NTM: variants seen among roughly 807,000 people sequenced by gnomAD.
NTM encodes the protein IgLON family member 2.
Under a neutral mutation model 42.1 loss-of-function variants are expected in NTM, and 13 were observed. The observed-to-expected ratio is 0.31, with a 90% CI of 0.20 to 0.49. The LOEUF (loss-of-function observed/expected upper bound fraction) is 0.49. Ranked by LOEUF, NTM falls within the 20% of genes least tolerant of loss-of-function variation. The pLI, the probability that NTM is intolerant of heterozygous loss-of-function variation, is 0.99. For synonymous variants in NTM, 187 were observed against 179.2 expected (o/e 1.04, Z -0.35); for missense variants, 373 against 452.8 (o/e 0.82, Z 1.60).
At chr11:131,424,806 T>A (rs1391206721) in intron 1 of NTM, among the ~76,000 whole-genome samples, 1 of 149,088 alleles carries the variant, frequency 6.7e-6, no homozygotes, top group Non-Finnish European at 1.5e-5. Flanking sequence ...TCTGACCTCG[T>A]GATCTGCCTG....
intron 1 of NTM, among the ~76,000 whole-genome samples, chr11:131,871,863 C>T (rs934806083): frequency 6.6e-6 from 1 of 152,148 alleles, no homozygotes; most frequent in Non-Finnish European, 1.5e-5. Flanking sequence ...GTCTTCTCTT[C>T]CTTGTTTCCC....
chr11:131,667,183 A>G (rs2134571238), intron 1 of NTM, among the ~76,000 whole-genome samples: 1 of 152,188 alleles, frequency 6.6e-6, no homozygotes, highest in South Asian at 2.1e-4. Context: ...CTTAAAGAGG[A>G]GGACCCCAAT....
intron 3 of NTM, among the ~76,000 whole-genome samples, chr11:132,177,077 C>G (rs527996800): frequency 2.5e-4 from 38 of 152,158 alleles, no homozygotes; most frequent in African/African-American, 8.2e-4. Flanking sequence ...TCAAACTTCT[C>G]CTTGACACAT....
intron 1 of NTM, among the ~76,000 whole-genome samples, chr11:131,471,571 A>T (rs530883411): frequency 2.0e-5 from 3 of 152,360 alleles, no homozygotes; most frequent in Admixed American, 2.0e-4. Context: ...AATTAGTCTT[A>T]TATTTATATT....
chr11:132,121,734 C>G (rs868207910), intron 2 of NTM, among the ~76,000 whole-genome samples: 12 of 152,196 alleles, frequency 7.9e-5, no homozygotes, highest in East Asian at 3.9e-4. Flanking sequence ...GTTCCTCCCC[C>G]CTCTCTCGAA....
At chr11:131,469,511 C>T (rs532748386) in intron 1 of NTM, among the ~76,000 whole-genome samples, 14 of 152,290 alleles carry the variant, frequency 9.2e-5, no homozygotes, top group Middle Eastern at 3.4e-3. Context: ...CACAGATAGA[C>T]AGATAACTGA....
intron 4 of NTM, among the ~76,000 whole-genome samples, chr11:132,260,345 G>T (rs2092772838): frequency 6.6e-6 from 1 of 152,036 alleles, no homozygotes; most frequent in African/African-American, 2.4e-5. Context: ...CAAAAGTAAG[G>T]TTTCCAGACA....
At chr11:131,890,156 G>GTA (rs1555167713) in intron 1 of NTM, among the ~76,000 whole-genome samples, 1 of 54,952 alleles carries the variant, frequency 1.8e-5, no homozygotes, top group African/African-American at 6.9e-5. Context: ...CTCTCTCTCT[G>GTA]TCTCTCTCTC....
intron 2 of NTM, among the ~76,000 whole-genome samples, chr11:131,916,582 G>C (rs564406): frequency 0.79 from 119,384 of 152,060 alleles, 47,136 homozygotes; most frequent in East Asian, 1. Context: ...TTGAGAGGAC[G>C]CGGGAGTCAC....
intron 1 of NTM, among the ~76,000 whole-genome samples, chr11:131,810,359 G>A (rs192594267): frequency 1.3e-5 from 2 of 152,250 alleles, no homozygotes; most frequent in Admixed American, 1.3e-4. Flanking sequence ...CCCAGAGAGT[G>A]CTGTGACATT....
chr11:132,208,008 C>T (rs2082247665), intron 3 of NTM, among the ~76,000 whole-genome samples: 1 of 152,126 alleles, frequency 6.6e-6, no homozygotes. Flanking sequence ...TAATGCTTGG[C>T]ACAATGCTGG....
intron 4 of NTM, among the ~76,000 whole-genome samples, chr11:132,218,195 G>A (rs1202738406): frequency 1.3e-5 from 2 of 152,200 alleles, no homozygotes; most frequent in African/African-American, 4.8e-5. Flanking sequence ...AGGAGCTGGG[G>A]AGGGGAGAAG....
intron 1 of NTM, among the ~76,000 whole-genome samples, chr11:131,799,343 A>G (rs1027938036): frequency 1.3e-5 from 2 of 152,234 alleles, no homozygotes; most frequent in Admixed American, 1.3e-4. Context: ...CTCCTGGGAC[A>G]CATCAGGAAA....
chr11:132,260,669 A>T (rs1282522848), intron 4 of NTM, among the ~76,000 whole-genome samples: 1 of 152,186 alleles, frequency 6.6e-6, no homozygotes, highest in Admixed American at 6.5e-5. Flanking sequence ...TCAAAAAATG[A>T]TTTTATTCAC....
Position 132,047,859 on chromosome 11 carries a change from C to T in NTM, c.168-98423C>T, listed in dbSNP as rs561821994. Among the ~76,000 whole-genome samples the T allele has an allele frequency of 1.6e-4, 24 of 152,290 alleles. No homozygotes were observed. In the South Asian group the frequency reaches 4.8e-3, roughly 30 times the overall value. On this transcript the variant is annotated intron_variant, in intron 2 of 8. Coordinates refer to ENST00000683400, the MANE Select transcript of NTM (RefSeq NM_001352005.2). Reference sequence around the variant, plus strand: ...CTTACGTATCATATTACATCCTTGACCTGTGTGAGACCTCCTGTTGAGGTC... The same window carrying T: ...CTTACGTATCATATTACATCCTTGATCTGTGTGAGACCTCCTGTTGAGGTC...
chr11:131,962,318 T>C (rs1179618619), intron 2 of NTM, among the ~76,000 whole-genome samples: 4 of 152,230 alleles, frequency 2.6e-5, no homozygotes, highest in African/African-American at 9.6e-5. Flanking sequence ...ACATTTCTAA[T>C]GTTATGGACT....
chr11:132,192,856 A>T (rs926064758), intron 3 of NTM, among the ~76,000 whole-genome samples: 2 of 152,170 alleles, frequency 1.3e-5, no homozygotes, highest in Non-Finnish European at 2.9e-5. Flanking sequence ...CGCCATTCTT[A>T]TATCAGATAA....
intron 1 of NTM, among the ~76,000 whole-genome samples, chr11:131,465,665 G>A (rs565970423): frequency 6.6e-6 from 1 of 152,212 alleles, no homozygotes; most frequent in African/African-American, 2.4e-5. Flanking sequence ...AGTCAATAAA[G>A]TATTGAATTC....
chr11:131,670,910 A>G (rs1293495992), intron 1 of NTM, among the ~76,000 whole-genome samples: 1 of 152,088 alleles, frequency 6.6e-6, no homozygotes, highest in Non-Finnish European at 1.5e-5. Flanking sequence ...GTAGATGCTA[A>G]AGGCCTGGGG....
Sources: gnomAD v4.1 joint callset for allele counts (sites outside exome capture counted in the v4.1 genomes callset) on GRCh38, gnomAD v4.1.1 for gene constraint, MANE v1.5 for transcripts, NCBI Gene and HGNC (gene_info 2026-07-23, HGNC 2026-07-21) for gene names.